LIPK: variants seen among roughly 807,000 people sequenced by gnomAD.
LIPK encodes the protein lipase family member K, also known as lipase member K.
LIPK carries 32 observed loss-of-function variants against 48.6 expected under a neutral mutation model. The observed-to-expected ratio is 0.66, with a 90% CI of 0.50 to 0.88. The LOEUF is 0.88. Ranked by LOEUF, LIPK falls within the 40% of genes least tolerant of loss-of-function variation. The pLI is 0.00. For synonymous variants in LIPK, 164 were observed against 157.4 expected, an observed-to-expected ratio of 1.04 and a Z score of -0.32; for missense variants, 507 against 478.5, an observed-to-expected ratio of 1.06 and a Z score of -0.56.
chr10:88,707,482 G>A (rs1332448591), intron 1 of LIPK, among the ~76,000 whole-genome samples: 4 of 152,112 alleles, frequency 2.6e-5, no homozygotes, highest in Non-Finnish European at 1.5e-5. Flanking sequence ...GGCAGGACAA[G>A]TGTTTTGTCC....
At chr10:88,751,095 T>C (rs1056709009) in intron 9 of LIPK, among the ~76,000 whole-genome samples, 1 of 152,198 alleles carries the variant, frequency 6.6e-6, no homozygotes, top group African/African-American at 2.4e-5. Context: ...GAGGTAGTAG[T>C]ATCTGCCAGG....
intron 6 of LIPK, among the ~76,000 whole-genome samples, chr10:88,733,582 G>T (rs1177072835): frequency 6.6e-6 from 1 of 152,172 alleles, no homozygotes; most frequent in Non-Finnish European, 1.5e-5. Flanking sequence ...TTGCCTGTTG[G>T]TACTTGGGCC....
At chr10:88,719,969 T>C (rs1842191277) in intron 1 of LIPK, among the ~76,000 whole-genome samples, 1 of 152,218 alleles carries the variant, frequency 6.6e-6, no homozygotes, top group Non-Finnish European at 1.5e-5. Context: ...ATATACAATA[T>C]GTAAACCCAG....
chr10:88,720,834 T>C (rs1842210241), intron 1 of LIPK, among the ~76,000 whole-genome samples: 2 of 152,096 alleles, frequency 1.3e-5, no homozygotes, highest in Admixed American at 6.6e-5. Context: ...TAGCATTTTA[T>C]GGGAGTCATG....
At chr10:88,743,872 C>T (rs1228795268) in intron 9 of LIPK, among the ~76,000 whole-genome samples, 2 of 152,194 alleles carry the variant, frequency 1.3e-5, no homozygotes, top group African/African-American at 2.4e-5. Flanking sequence ...ATGGACCTAC[C>T]TGTAGGACAC....
chr10:88,718,323 C>T (rs980550294), intron 1 of LIPK, among the ~76,000 whole-genome samples: 2 of 147,018 alleles, frequency 1.4e-5, no homozygotes, highest in African/African-American at 5.0e-5. Flanking sequence ...AGAAGGAAGC[C>T]AAGTATAATA....
At chr10:88,748,074 G>T (rs2070862941) in intron 9 of LIPK, among the ~76,000 whole-genome samples, 1 of 152,184 alleles carries the variant, frequency 6.6e-6, no homozygotes, top group Non-Finnish European at 1.5e-5. Flanking sequence ...ATACTATGCA[G>T]TCATAGTACC....
intron 9 of LIPK, among the ~76,000 whole-genome samples, chr10:88,750,716 G>C (rs1425743183): frequency 2.0e-5 from 3 of 152,018 alleles, no homozygotes; most frequent in Admixed American, 6.6e-5. Context: ...TCATTACCTG[G>C]ATGACAAAAT....
intron 9 of LIPK, among the ~76,000 whole-genome samples, chr10:88,743,708 T>G (rs1218753963): frequency 6.6e-6 from 1 of 151,922 alleles, no homozygotes. Flanking sequence ...AGAAAGGCAT[T>G]GAGAGTGAAT....
At chr10:88,722,882 C>CT (rs1262882913) in intron 1 of LIPK, among the ~76,000 whole-genome samples, 18 of 46,024 alleles carry the variant, frequency 3.9e-4, no homozygotes, top group African/African-American at 3.3e-3. Flanking sequence ...TTCTTCTTTT[C>CT]TTTTTTCTTT....
At chr10:88,742,369 C>A (rs983470531) in intron 8 of LIPK, among the ~76,000 whole-genome samples, 2 of 152,156 alleles carry the variant, frequency 1.3e-5, no homozygotes, top group African/African-American at 2.4e-5. Context: ...GAATATAAAT[C>A]ATGATGAGAA....
At chr10:88,721,130 GCATTAGCA>G (rs371860831) in intron 1 of LIPK, among the ~76,000 whole-genome samples, 118,625 of 151,390 alleles carry the variant, frequency 0.78, 47,421 homozygotes, top group East Asian at 1. Context: ...ATCCTTATAT[GCATTAGCA>G]TATAAGGATA....
chr10:88,749,321 G>A (rs1842824413), intron 9 of LIPK, among the ~76,000 whole-genome samples: 1 of 152,110 alleles, frequency 6.6e-6, no homozygotes. Context: ...GCAATCTTAA[G>A]CAAAAAGAGC....
In LIPK at chr10:88,740,031, G is replaced by A. The variant is rs771901050; in HGVS notation, c.852G>A (p.Ala284=). 44 of 1,611,328 alleles carry A rather than the reference G, an allele frequency of 2.7e-5. No individual in the cohort carries two copies. Among genetic ancestry groups the A allele is most frequent in the South Asian group, 7.7e-5 (7 of 90,964 alleles). ...ATGTTTATTTGTCACACAATCCTGCGGGAACATCTGTTCAGAATATGCTGC... is the reference window on the plus strand; with the variant it reads ...ATGTTTATTTGTCACACAATCCTGCAGGAACATCTGTTCAGAATATGCTGC... The part of the protein sequence containing the change: ...RLDVYLSHNP[A]GTSVQNMLHW... Residue 284 remains alanine (A), a synonymous_variant, in exon 8 of 10, where the codon GCG becomes GCA. Transcript: ENST00000404190.
In LIPK at chr10:88,710,564, T is replaced by C. The variant is rs1330113672; in HGVS notation, c.-12+4244T>C. On this transcript the variant is annotated intron_variant, in intron 1 of 9. Transcript: ENST00000404190. ...TCTATTCCTATGAATTAGTTTTATCTGTTTTTGACCTTTACAGAAATTCAA... is the reference window on the plus strand; with the variant it reads ...TCTATTCCTATGAATTAGTTTTATCCGTTTTTGACCTTTACAGAAATTCAA... 2.0e-5 allele frequency among the ~76,000 whole-genome samples: 3 copies of C among 152,218 alleles called. No individual in the cohort carries two copies. In the East Asian group the frequency reaches 5.8e-4, roughly 29 times the overall value.
chr10:88,744,966 A>G (rs1842742011), intron 9 of LIPK, among the ~76,000 whole-genome samples: 1 of 152,250 alleles, frequency 6.6e-6, no homozygotes, highest in Non-Finnish European at 1.5e-5. Flanking sequence ...GAAACTCACT[A>G]TAAGAATTTC....
intron 9 of LIPK, among the ~76,000 whole-genome samples, chr10:88,749,959 C>CAA (rs1175691220): frequency 6.6e-6 from 1 of 151,778 alleles, no homozygotes; most frequent in Non-Finnish European, 1.5e-5. Context: ...AACTAACAAG[C>CAA]AAAAAAACCA....
At position 88,732,097 on chromosome 10, in the gene LIPK, T is replaced by C. The variant is rs1469204452; in HGVS notation, c.423-81T>C. ...ATATTTAACAAAATCAAAGTATTTA[T>C]GTCTTCACTGAACGTGTTTAAATGT... is the stretch of plus-strand genomic sequence containing the variant. On this transcript the variant is annotated intron_variant, in intron 4 of 9. Transcript: ENST00000404190. 4 of 868,828 alleles carry C rather than the reference T, an allele frequency of 4.6e-6. No individual in the cohort carries two copies. The African/African-American group carries it at 5.0e-5, about 11-fold the overall frequency. 53.8% of individuals were successfully genotyped at this position (868,828 alleles called of 1,614,324 possible).
At chr10:88,737,383 T>C (rs557280424) in intron 6 of LIPK, among the ~76,000 whole-genome samples, 1 of 152,314 alleles carries the variant, frequency 6.6e-6, no homozygotes, top group African/African-American at 2.4e-5. Context: ...TCCAAAGTCT[T>C]ACTAATTTCC....
Sources: allele counts gnomAD v4.1 joint callset (sites outside exome capture counted in the v4.1 genomes callset), GRCh38; gene constraint gnomAD v4.1.1; transcripts MANE v1.5; gene names NCBI Gene and HGNC (gene_info 2026-07-23, HGNC 2026-07-21).